The following NDC80 variants were observed in gnomAD, a reference collection of about 807,000 sequenced individuals.
NDC80 encodes kinetochore protein NDC80 homolog.
In NDC80, 69 loss-of-function variants were observed where a neutral mutation model predicts 89.3. That is an observed-to-expected ratio of 0.77 (90% CI 0.64 to 0.94). The LOEUF (loss-of-function observed/expected upper bound fraction) is 0.94. Among genes scored for constraint, NDC80 ranks in the 40% least tolerant of loss-of-function variants. The pLI is 0.00. For synonymous variants in NDC80, 243 were observed against 255.6 expected, an observed-to-expected ratio of 0.95 and a Z score of 0.47; for missense variants, 593 against 739.6, an observed-to-expected ratio of 0.80 and a Z score of 2.30.
At chr18:2,600,202 G>C (rs2072677333) in intron 12 of NDC80, among the ~76,000 whole-genome samples, 1 of 152,156 alleles carries the variant, frequency 6.6e-6, no homozygotes, top group Admixed American at 6.5e-5. Flanking sequence ...TATGCTCGAG[G>C]AGAAATTTTG....
intron 11 of NDC80, among the ~76,000 whole-genome samples, chr18:2,597,206 T>TA (rs879629402): frequency 9.4e-4 from 142 of 150,864 alleles, no homozygotes; most frequent in African/African-American, 2.7e-3. Flanking sequence ...TAAAATAAAA[T>TA]AAAATAAAAT....
intron 15 of NDC80, among the ~76,000 whole-genome samples, chr18:2,610,078 TAGC>T (rs1212818114): frequency 6.6e-6 from 1 of 152,226 alleles, no homozygotes; most frequent in Non-Finnish European, 1.5e-5. Context: ...GGAAAAATTT[TAGC>T]CACACTATAT....
At position 2,589,168 on chromosome 18, in the gene NDC80, T is replaced by G. The variant is rs374046200; in HGVS notation, c.764-36T>G. On this transcript the variant is annotated intron_variant, in intron 8 of 16. Coordinates refer to ENST00000261597, the MANE Select transcript of NDC80 (RefSeq NM_006101.3). ...TTGGGAAAGAATGTTCTAGGCGGAT[T>G]TGAGGTCTTAAAAAGCTTTTGGATT... The G allele has an allele frequency of 5.2e-6, 7 of 1,342,054 alleles. No individual in the cohort carries two copies. The African/African-American group carries it at 1.0e-4, about 19-fold the overall frequency. The allele number at this position is 1,342,054 out of a possible 1,614,324, so 83.1% of individuals were successfully genotyped here.
At chr18:2,588,199 A>C (rs143092049) in intron 8 of NDC80, among the ~76,000 whole-genome samples, 264 of 152,322 alleles carry the variant, frequency 1.7e-3, no homozygotes, top group African/African-American at 6.0e-3. Context: ...AGTAGATGAC[A>C]GTATAATAAA....
intron 2 of NDC80, among the ~76,000 whole-genome samples, chr18:2,573,717 T>C (rs1169070483): frequency 6.6e-6 from 1 of 152,244 alleles, no homozygotes; most frequent in Non-Finnish European, 1.5e-5. Context: ...TGGATTTACA[T>C]AGTATGAGCC....
chr18:2,606,310 A>G, intron 13 of NDC80, 105 bp from the exon 14 acceptor site: 1 of 635,236 alleles, frequency 1.6e-6, no homozygotes, highest in Non-Finnish European at 2.5e-6. Flanking sequence ...ACTAGAAGAA[A>G]TAACATTGTT....
At chr18:2,589,358 T>A (rs1211851094) in intron 9 of NDC80, 48 bp downstream of exon 9, 1 of 1,283,640 alleles carries the variant, frequency 7.8e-7, no homozygotes, top group Non-Finnish European at 1.1e-6. Context: ...TTTAGACTTT[T>A]GGGTGTCCTT....
chr18:2,575,362 G>A (rs2072541040), intron 3 of NDC80, among the ~76,000 whole-genome samples: 1 of 152,194 alleles, frequency 6.6e-6, no homozygotes, highest in African/African-American at 2.4e-5. Context: ...CAGGCATGGT[G>A]GCCATGCCTG....
chr18:2,590,112 C>T lies in NDC80; in HGVS notation c.965C>T (p.Ala322Val). ...AYMSNLESHS[A>V]ILDQKLNGLN... ...ATGAGCAATTTGGAGTCTCATTCAG[C>T]CATTCTTGACCAGAAATTAAATGGT... is the stretch of plus-strand genomic sequence containing the variant. Residue 322 changes from alanine (A) to valine (V), a missense_variant, in exon 10 of 17, where the codon GCC becomes GTC. Transcript: ENST00000261597. 1 of 1,611,634 alleles carries T rather than the reference C, an allele frequency of 6.2e-7. No homozygotes were observed. The highest frequency in any genetic ancestry group is 8.5e-7 in the Non-Finnish European group (1 of 1,178,882).
Position 2,605,274 on chromosome 18 carries a change from ATGTGTGTGTGTGTGTGTGTG to A in NDC80, c.1465-1105_1465-1086del, listed in dbSNP as rs60324126. 2.2e-3 allele frequency among the ~76,000 whole-genome samples: 281 copies of A among 127,296 alleles called. 3 individuals are homozygous for A. Among genetic ancestry groups the A allele is most frequent in the African/African-American group, 7.6e-3 (247 of 32,350 alleles). 83.5% of individuals were successfully genotyped at this position (127,296 alleles called of 152,430 possible). A position where few individuals can be genotyped will look rare whatever the true frequency, so the allele number is the denominator to read the frequency against. On this transcript the variant is annotated intron_variant, in intron 13 of 16. Transcript: ENST00000261597. Reference sequence around the variant, plus strand: ...AATTGGAGTCGGGCGGGCTATATGTATGTGTGTGTGTGTGTGTGTGTGTGTGTGTGTGTGTGTGTGTGTGT... The same window carrying A: ...AATTGGAGTCGGGCGGGCTATATGTATGTGTGTGTGTGTGTGTGTGTGTGT...
At chr18:2,573,971 TA>T (rs2072533211) in intron 2 of NDC80, among the ~76,000 whole-genome samples, 1 of 152,118 alleles carries the variant, frequency 6.6e-6, no homozygotes, top group Non-Finnish European at 1.5e-5. Flanking sequence ...GTGGTTAAGA[TA>T]ATGGAAATCA....
At chr18:2,591,947 G>T (rs1223311849) in intron 10 of NDC80, among the ~76,000 whole-genome samples, 1 of 151,918 alleles carries the variant, frequency 6.6e-6, no homozygotes, top group Non-Finnish European at 1.5e-5. Context: ...GTAGAGACGG[G>T]GTTTCACCAT....
chr18:2,606,401 T>G lies in NDC80; in HGVS notation c.1465-14T>G. ...TATAGTTATGATTTCTCAACCAAAG[T>G]TTTATTTCCCCAGTTGAATGCAATG... On this transcript the variant is annotated splice_polypyrimidine_tract_variant and intron_variant, in intron 13 of 16. Coordinates refer to ENST00000261597, the MANE Select transcript of NDC80 (RefSeq NM_006101.3). 3.8e-6 allele frequency: 6 copies of G among 1,569,678 alleles called. No individual in the cohort carries two copies. The South Asian group carries it at 7.1e-5, about 18-fold the overall frequency.
chr18:2,588,447 A>G (rs2072612438), intron 8 of NDC80, among the ~76,000 whole-genome samples: 1 of 152,054 alleles, frequency 6.6e-6, no homozygotes, highest in Admixed American at 6.6e-5. Flanking sequence ...ACCTAGTGAC[A>G]TACAGTATTT....
chr18:2,583,645 C>T (rs1050023689), intron 6 of NDC80, among the ~76,000 whole-genome samples: 3 of 149,738 alleles, frequency 2.0e-5, no homozygotes, highest in Admixed American at 6.7e-5. Flanking sequence ...TGCAGTGAGC[C>T]GAGATCTCAG....
chr18:2,586,600 C>T (rs1178469448), intron 7 of NDC80, among the ~76,000 whole-genome samples: 4 of 151,974 alleles, frequency 2.6e-5, no homozygotes, highest in Non-Finnish European at 4.4e-5. Flanking sequence ...TGTGGTGGTG[C>T]GTGCCTGTGG....
At chr18:2,579,243 G>A (rs943394324) in intron 6 of NDC80, 21 of 373,956 alleles carry the variant, frequency 5.6e-5, no homozygotes, top group African/African-American at 4.2e-4. Context: ...TTATCATGAG[G>A]TTTTACAACT....
intron 14 of NDC80, among the ~76,000 whole-genome samples, chr18:2,608,362 T>A (rs1030365764): frequency 8.6e-5 from 13 of 151,890 alleles, no homozygotes; most frequent in African/African-American, 3.1e-4. Flanking sequence ...CATGCCACCA[T>A]GCCCAACTAA....
chr18:2,615,605 A>T (rs1422312030), intron 16 of NDC80, among the ~76,000 whole-genome samples: 1 of 152,224 alleles, frequency 6.6e-6, no homozygotes. Flanking sequence ...GCTAATAGTC[A>T]CAGGTTCCTT....
Sources: gnomAD v4.1 joint callset for allele counts (sites outside exome capture counted in the v4.1 genomes callset) on GRCh38, gnomAD v4.1.1 for gene constraint, MANE v1.5 for transcripts, NCBI Gene and HGNC (gene_info 2026-07-23, HGNC 2026-07-21) for gene names.